The following MYLK4 variants were observed in gnomAD, a reference collection of about 807,000 sequenced individuals.
The protein encoded by MYLK4 is caMLCK like.
In MYLK4, 46 loss-of-function variants were observed where a neutral mutation model predicts 48.1. That is an observed-to-expected ratio of 0.96 (90% CI 0.75 to 1.22). The LOEUF (loss-of-function observed/expected upper bound fraction) is 1.22, where lower values mean the gene tolerates loss of function less well. MYLK4 is among the 50% of genes most tolerant of loss of function. MYLK4 has a pLI of 0.00. For missense variants in MYLK4, 451 were observed against 486.1 expected (o/e 0.93, Z 0.68); for synonymous variants, 170 against 180.8 (o/e 0.94, Z 0.48).
chr6:2,712,913 G>C (rs186264171), intron 2 of MYLK4, among the ~76,000 whole-genome samples: 1 of 152,308 alleles, frequency 6.6e-6, no homozygotes, highest in Non-Finnish European at 1.5e-5. Context: ...CCAGGATGCT[G>C]GGTTCTCATC....
At chr6:2,746,998 G>A (rs371882440) in intron 2 of MYLK4, among the ~76,000 whole-genome samples, 1 of 152,206 alleles carries the variant, frequency 6.6e-6, no homozygotes, top group Non-Finnish European at 1.5e-5. Flanking sequence ...CATTCTCCAC[G>A]TGGACGGAGA....
intron 2 of MYLK4, chr6:2,744,032 T>G (rs1220282829): frequency 2.5e-6 from 1 of 398,948 alleles, no homozygotes; most frequent in Non-Finnish European, 4.4e-6. Context: ...GAGTGTGAAG[T>G]CCATTCTTTG....
At chr6:2,768,836 C>G in the MYLK4 span, 1 of 1,613,306 alleles carries the variant, frequency 6.2e-7, no homozygotes, top group Non-Finnish European at 8.5e-7. Context: ...AAAAGGAAAA[C>G]CATCCTTTTT....
rs1347371585 is a variant in MYLK4, at chr6:2,666,765, C to T, written c.*1160G>A. 6.6e-6 allele frequency: 1 copy of T among 152,240 alleles called. No homozygotes were observed. The highest frequency in any genetic ancestry group is 1.5e-5 in the Non-Finnish European group (1 of 68,048). The allele number at this position is 152,240 out of a possible 1,614,324, so 9.4% of individuals were successfully genotyped here. ...AAGCTGTCTACAGTAGGGCCATTTC[C>T]TTTCTTACATATCTGCCATGAAATG... On this transcript the variant is annotated 3_prime_UTR_variant, in exon 13 of 13. Coordinates refer to ENST00000274643, the MANE Select transcript of MYLK4 (RefSeq NM_001012418.5).
At chr6:2,757,690 T>C in the MYLK4 span, among the ~76,000 whole-genome samples, 3,569 of 151,564 alleles carry the variant, frequency 0.024, 148 homozygotes, top group African/African-American at 0.081. Flanking sequence ...GTAGATGCAA[T>C]AGGATCTGAA....
the MYLK4 span, chr6:2,768,987 A>G: frequency 1.7e-6 from 2 of 1,185,636 alleles, no homozygotes; most frequent in Non-Finnish European, 2.3e-6. Context: ...TTGTTTACAA[A>G]GAAGCGTAGG....
At position 2,673,291 on chromosome 6, in the gene MYLK4, C is replaced by T. The variant is rs1158704031; in HGVS notation, c.1119+1756G>A. Among the ~76,000 whole-genome samples the T allele has an allele frequency of 6.6e-6, 1 of 152,126 alleles. No individual in the cohort carries two copies. The highest frequency in any genetic ancestry group is 6.5e-5 in the Admixed American group (1 of 15,280). ...CAGTTTATGTAGTCTGGGTGAGGTA[C>T]CCACTAGGTAATAAGTCTATTTTTA... is the stretch of plus-strand genomic sequence containing the variant. On this transcript the variant is annotated intron_variant, in intron 11 of 12. Transcript: ENST00000274643. The surrounding 1 kb of genome is among the most constrained non-coding windows in gnomAD (Gnocchi z 4.2).
chr6:2,681,549 A>G (rs371834439), intron 7 of MYLK4, among the ~76,000 whole-genome samples: 5 of 152,222 alleles, frequency 3.3e-5, no homozygotes, highest in African/African-American at 1.2e-4. Context: ...GGGCATTTCA[A>G]TAAGTTAGCC....
chr6:2,722,989 T>A (rs1176179755), intron 2 of MYLK4, among the ~76,000 whole-genome samples: 2 of 152,172 alleles, frequency 1.3e-5, no homozygotes, highest in Non-Finnish European at 2.9e-5. Flanking sequence ...TTTGCTTTTT[T>A]AAGTTTTTTT....
chr6:2,709,805 A>G (rs1055815690), intron 2 of MYLK4, among the ~76,000 whole-genome samples: 44 of 152,326 alleles, frequency 2.9e-4, no homozygotes, highest in African/African-American at 9.1e-4. Flanking sequence ...GGTTTGGTTA[A>G]TGATGGTTTA....
At chr6:2,687,834 G>GT (rs1761617331) in intron 4 of MYLK4, among the ~76,000 whole-genome samples, 1 of 152,184 alleles carries the variant, frequency 6.6e-6, no homozygotes, top group African/African-American at 2.4e-5. Context: ...CTTTCCTTGT[G>GT]TTGGTGAGTA....
chr6:2,724,686 AT>A (rs35938894), intron 2 of MYLK4, among the ~76,000 whole-genome samples: 76,652 of 151,986 alleles, frequency 0.5, 20,584 homozygotes, highest in Non-Finnish European at 0.59. Flanking sequence ...TCATTTTGTA[AT>A]GATGCGGTGA....
intron 2 of MYLK4, among the ~76,000 whole-genome samples, chr6:2,699,809 A>G (rs1272915977): frequency 1.3e-5 from 2 of 152,208 alleles, no homozygotes; most frequent in African/African-American, 4.8e-5. Context: ...GCCTGGTGGT[A>G]GAGGACAGAA....
intron 2 of MYLK4, among the ~76,000 whole-genome samples, chr6:2,723,004 A>C (rs1413492262): frequency 6.6e-6 from 1 of 152,140 alleles, no homozygotes; most frequent in African/African-American, 2.4e-5. Flanking sequence ...TTTTTTAAAA[A>C]GCTGAGTCTG....
At chr6:2,755,533 C>T (rs950961350), upstream of MYLK4, among the ~76,000 whole-genome samples, 5 of 152,084 alleles carry the variant, frequency 3.3e-5, no homozygotes, top group Admixed American at 1.3e-4. Context: ...ATGGTCATTC[C>T]GTTTATTTTA....
At chr6:2,720,407 CAAA>C (rs60764100) in intron 2 of MYLK4, among the ~76,000 whole-genome samples, 28 of 150,004 alleles carry the variant, frequency 1.9e-4, no homozygotes, top group Admixed American at 4.6e-4. Flanking sequence ...CATCTAAAAA[CAAA>C]AAAAAAAAAG....
At chr6:2,699,457 ATT>A (rs11398275) in intron 2 of MYLK4, among the ~76,000 whole-genome samples, 1 of 138,140 alleles carries the variant, frequency 7.2e-6, no homozygotes. Flanking sequence ...CACCTGGCTA[ATT>A]TTTTTTTTTT....
intron 2 of MYLK4, among the ~76,000 whole-genome samples, chr6:2,698,644 T>C (rs573143375): frequency 2.8e-4 from 42 of 152,336 alleles, no homozygotes; most frequent in Non-Finnish European, 4.9e-4. Context: ...TTGGATTAGA[T>C]TCCTAATGGG....
In MYLK4 at chr6:2,725,521, G is replaced by A. The variant is rs371009297; in HGVS notation, c.159+23615C>T. On this transcript the variant is annotated intron_variant, in intron 2 of 12. Transcript: ENST00000274643. Reference sequence around the variant, plus strand: ...AGGGGGAGAGAGAGAGAGACAGAGAGAGAGAAAAAGAAACAAAGAAAGAAA... The same window carrying A: ...AGGGGGAGAGAGAGAGAGACAGAGAAAGAGAAAAAGAAACAAAGAAAGAAA... Among the ~76,000 whole-genome samples the A allele has an allele frequency of 2.3e-3, 296 of 129,796 alleles. 1 individual carries two copies. The highest frequency in any genetic ancestry group is 8.8e-3 in the African/African-American group (274 of 31,170). The allele number at this position is 129,796 out of a possible 152,430, so 85.2% of individuals were successfully genotyped here.
Sources: allele counts gnomAD v4.1 joint callset (sites outside exome capture counted in the v4.1 genomes callset), GRCh38; gene constraint gnomAD v4.1.1; non-coding constraint Gnocchi (gnomAD v3.1); transcripts MANE v1.5; gene names NCBI Gene and HGNC (gene_info 2026-07-23, HGNC 2026-07-21).